Variants in RBFOX1 observed in about 807,000 individuals in gnomAD.
RBFOX1 encodes the protein RNA binding protein fox-1 homolog 1.
Under a neutral mutation model 57.7 loss-of-function variants are expected in RBFOX1, and 8 were observed. That is an observed-to-expected ratio of 0.14 (90% CI 0.08 to 0.25). The LOEUF is 0.25. Ranked by LOEUF, RBFOX1 falls within the 10% of genes least tolerant of loss-of-function variation. The pLI, the probability that RBFOX1 is intolerant of heterozygous loss-of-function variation, is 1.00. For synonymous variants in RBFOX1, 326 were observed against 222.4 expected (o/e 1.47, Z -4.15); for missense variants, 611 against 548.5 (o/e 1.11, Z -1.14).
At chr16:5,732,311 G>T (rs1158928717) in intron 3 of RBFOX1, among the ~76,000 whole-genome samples, 1 of 152,174 alleles carries the variant, frequency 6.6e-6, no homozygotes, top group Non-Finnish European at 1.5e-5. Flanking sequence ...GGAGCCAAGA[G>T]GGAACGTACC....
At chr16:6,271,219 T>A (rs1261462162) in intron 1 of RBFOX1, among the ~76,000 whole-genome samples, 1 of 151,634 alleles carries the variant, frequency 6.6e-6, no homozygotes, top group Non-Finnish European at 1.5e-5. Flanking sequence ...AGGTCAGGAG[T>A]TTGAGACCAG....
chr16:5,366,796 T>C, intron 1 of RBFOX1: 1 of 259,812 alleles, frequency 3.8e-6, no homozygotes, highest in Non-Finnish European at 7.5e-6. Context: ...AATTTCCCTA[T>C]CGTGTTTGAT....
At chr16:6,985,563 C>T (rs942422244) in intron 3 of RBFOX1, among the ~76,000 whole-genome samples, 2 of 152,180 alleles carry the variant, frequency 1.3e-5, no homozygotes, top group Non-Finnish European at 2.9e-5. Context: ...AGCAGTGGCT[C>T]ACGCCTGTAA....
chr16:6,656,584 A>G (rs1474050331), intron 3 of RBFOX1, among the ~76,000 whole-genome samples: 1 of 142,392 alleles, frequency 7.0e-6, no homozygotes, highest in African/African-American at 2.6e-5. Context: ...GCTCTTCTCA[A>G]GAAAGGGGAA....
intron 3 of RBFOX1, among the ~76,000 whole-genome samples, chr16:6,843,795 C>T (rs1395533007): frequency 1.3e-5 from 2 of 152,076 alleles, no homozygotes; most frequent in Non-Finnish European, 1.5e-5. Flanking sequence ...TGTTCCATGC[C>T]AAAAGAAATA....
chr16:7,526,788 TA>T (rs1460677253), intron 5 of RBFOX1, among the ~76,000 whole-genome samples: 2 of 152,194 alleles, frequency 1.3e-5, no homozygotes, highest in African/African-American at 4.8e-5. Flanking sequence ...TATGAAGTGT[TA>T]TCGTCCCATG....
At chr16:7,539,473 T>C (rs753552243) in intron 5 of RBFOX1, among the ~76,000 whole-genome samples, 18 of 152,178 alleles carry the variant, frequency 1.2e-4, no homozygotes, top group Non-Finnish European at 1.3e-4. Context: ...AAAGAGCGTA[T>C]TTTTGCACAT....
intron 4 of RBFOX1, among the ~76,000 whole-genome samples, chr16:7,268,321 A>T (rs1033469878): frequency 6.6e-6 from 1 of 152,290 alleles, no homozygotes; most frequent in African/African-American, 2.4e-5. Flanking sequence ...AGGGGGCAAA[A>T]GTGGAAGTGG....
intron 1 of RBFOX1, among the ~76,000 whole-genome samples, chr16:6,220,949 C>G (rs972506420): frequency 6.6e-6 from 1 of 151,858 alleles, no homozygotes; most frequent in African/African-American, 2.4e-5. Flanking sequence ...CTATCAAATA[C>G]TTCACTCTGT....
chr16:5,293,788 G>C (rs1421442255), intron 1 of RBFOX1, among the ~76,000 whole-genome samples: 3 of 150,552 alleles, frequency 2.0e-5, no homozygotes, highest in Non-Finnish European at 3.0e-5. Flanking sequence ...ATGGATACAG[G>C]GTTATTTTTT....
intron 3 of RBFOX1, among the ~76,000 whole-genome samples, chr16:6,655,359 A>G (rs1281374614): frequency 1.6e-5 from 2 of 128,102 alleles, no homozygotes; most frequent in Non-Finnish European, 3.3e-5. Flanking sequence ...GAGTGACAAA[A>G]TAAGCCTCCG....
At chr16:6,889,832 C>T (rs533242101) in intron 3 of RBFOX1, among the ~76,000 whole-genome samples, 1 of 152,320 alleles carries the variant, frequency 6.6e-6, no homozygotes, top group Non-Finnish European at 1.5e-5. Context: ...GGTTCACAGA[C>T]ACAGCAGGAA....
intron 1 of RBFOX1, among the ~76,000 whole-genome samples, chr16:6,296,673 G>A (rs2078153368): frequency 6.6e-6 from 1 of 152,150 alleles, no homozygotes; most frequent in Non-Finnish European, 1.5e-5. Flanking sequence ...ACCTGCCTCG[G>A]CCTCCCAAAG....
At chr16:5,614,910 TG>T (rs2047965402) in intron 3 of RBFOX1, among the ~76,000 whole-genome samples, 2 of 151,464 alleles carry the variant, frequency 1.3e-5, no homozygotes, top group African/African-American at 4.9e-5. Context: ...ACAGGGAGGG[TG>T]GGGGTTTGGT....
intron 1 of RBFOX1, among the ~76,000 whole-genome samples, chr16:5,247,665 C>T (rs886677858): frequency 6.6e-6 from 1 of 152,220 alleles, no homozygotes; most frequent in Admixed American, 6.5e-5. Context: ...GGCTGCTTTC[C>T]TGCTACATTG....
chr16:5,757,914 C>G (rs753436224), intron 3 of RBFOX1, among the ~76,000 whole-genome samples: 2 of 152,300 alleles, frequency 1.3e-5, no homozygotes, highest in African/African-American at 2.4e-5. Context: ...TTCCCCTTCA[C>G]TACTCTCGCT....
Position 5,285,048 on chromosome 16 carries a change from G to T in RBFOX1, c.219+44943G>T, listed in dbSNP as rs554291146. ...TTTCAGTTATTATTTTATTAAATAGGTTTTCTATGCCTTTACCCATCTCAT... is the reference window on the plus strand; with the variant it reads ...TTTCAGTTATTATTTTATTAAATAGTTTTTCTATGCCTTTACCCATCTCAT... On this transcript the variant is annotated intron_variant, in intron 1 of 2. Transcript: ENST00000585867. 2.0e-4 allele frequency among the ~76,000 whole-genome samples: 30 copies of T among 152,076 alleles called. No homozygotes were observed. In the South Asian group the frequency reaches 6.0e-3, roughly 31 times the overall value.
At chr16:6,555,359 G>A (rs1464427964) in intron 2 of RBFOX1, among the ~76,000 whole-genome samples, 2 of 152,062 alleles carry the variant, frequency 1.3e-5, no homozygotes, top group Non-Finnish European at 2.9e-5. Flanking sequence ...GATGAAATAT[G>A]GGTTTGACCA....
Position 6,434,810 on chromosome 16 carries a change from ATTC to A in RBFOX1, c.-64+117758_-64+117760del, listed in dbSNP as rs375584110. On this transcript the variant is annotated intron_variant, in intron 2 of 15. Coordinates refer to ENST00000550418, the MANE Select transcript of RBFOX1 (RefSeq NM_018723.4). ...GAATGACCACCTGCATTTCCAATGT[ATTC>A]TTCTCTTCCAATGATTTGTACCTCA... Among the ~76,000 whole-genome samples, 192 of 152,298 alleles carry A rather than the reference ATTC, an allele frequency of 1.3e-3. 1 individual carries two copies. Among genetic ancestry groups the A allele is most frequent in the African/African-American group, 4.4e-3 (182 of 41,564 alleles).
Sources: allele counts gnomAD v4.1 joint callset (sites outside exome capture counted in the v4.1 genomes callset), GRCh38; gene constraint gnomAD v4.1.1; transcripts MANE v1.5; gene names NCBI Gene and HGNC (gene_info 2026-07-23, HGNC 2026-07-21).